Variants in MGAM2 observed in about 807,000 individuals in gnomAD.
The protein encoded by MGAM2 is probable maltase-glucoamylase 2.
A neutral mutation model predicts 96.1 loss-of-function variants in MGAM2; 98 were observed. The ratio of observed to expected loss-of-function variants is 1.02; its 90% CI spans 0.87 to 1.21. The LOEUF is 1.21. Ranked by LOEUF, MGAM2 falls within the 50% of genes most tolerant of loss-of-function variation. MGAM2 has a pLI of 0.00. For missense variants in MGAM2, 2,055 were observed against 1,182.4 expected, an observed-to-expected ratio of 1.74 and a Z score of -10.82; for synonymous variants, 749 against 414.8, an observed-to-expected ratio of 1.81 and a Z score of -9.79.
At chr7:142,197,952 T>C (rs1241584079) in intron 42 of MGAM2, among the ~76,000 whole-genome samples, 187 bp from the exon 43 acceptor site, 1 of 66,718 alleles carries the variant, frequency 1.5e-5, no homozygotes, top group Non-Finnish European at 3.1e-5. Flanking sequence ...TCATTTACTT[T>C]TTAAAAATAG....
At chr7:142,123,288 G>A (rs1794640756) in intron 3 of MGAM2, among the ~76,000 whole-genome samples, 1 of 151,322 alleles carries the variant, frequency 6.6e-6, no homozygotes, top group South Asian at 2.1e-4. Context: ...GGGTATCTTC[G>A]GGTGAACAGT....
Position 142,220,906 on chromosome 7 carries a change from T to C in MGAM2, c.6395T>C (p.Val2132Ala), listed in dbSNP as rs1341793648. 3 of 701,970 alleles carry C rather than the reference T, an allele frequency of 4.3e-6. No individual in the cohort carries two copies. In the Admixed American group the frequency reaches 6.0e-5, roughly 14 times the overall value. The allele number at this position is 701,970 out of a possible 1,614,324, so 43.5% of individuals were successfully genotyped here. A position where few individuals can be genotyped will look rare whatever the true frequency, so the allele number is the denominator to read the frequency against. Residue 2132 changes from valine to alanine, a missense_variant, in exon 48 of 48, where the codon GTT (valine) becomes GCT (alanine). By Grantham distance (64) the Val-to-Ala change is moderately conservative. Coordinates refer to ENST00000477922, the MANE Select transcript of MGAM2 (RefSeq NM_001293626.2). ...TTSSLTGTTDVSTSTTINNIS... is the reference protein window; with the variant it reads ...TTSSLTGTTDASTSTTINNIS... ...TCTTCTCTAACAGGTACTACTGATG[T>C]TAGCACTAGTACTACTATTAATAAT...
In MGAM2 at chr7:142,147,560, A is replaced by G. The variant is rs1563259930; in HGVS notation, c.1621A>G (p.Arg541Gly). ...IHSLYGHSMARTTNLALETIF... is the reference protein window; with the variant it reads ...IHSLYGHSMAGTTNLALETIF... ...CAGCTTGTATGGCCACTCCATGGCA[A>G]GAACCACAAACTTGTAAGGACTTGG... The change falls in exon 15 of 48, where the codon AGA becomes GGA. Residue 541 changes from arginine (R) to glycine (G), a missense_variant. By Grantham distance (125) the Arg-to-Gly change is moderately radical (BLOSUM62 -2). Transcript: ENST00000477922. The G allele has an allele frequency of 1.4e-6, 1 of 702,666 alleles. No homozygotes were observed. The highest frequency in any genetic ancestry group is 2.6e-6 in the Non-Finnish European group (1 of 384,850). The allele number at this position is 702,666 out of a possible 1,614,324, so 43.5% of individuals were successfully genotyped here.
rs200020168 is a variant in MGAM2, at chr7:142,118,370, A to AAT, written c.106+1402_106+1403dup. ...CAGTTTTAAGACAATTTTTTATTGA[A>AAT]ATATATATATATGTACACAAACAAA... On this transcript the variant is annotated intron_variant, in intron 2 of 47. Coordinates refer to ENST00000477922, the MANE Select transcript of MGAM2 (RefSeq NM_001293626.2). 4.0e-3 allele frequency among the ~76,000 whole-genome samples: 614 copies of AAT among 152,130 alleles called. 7 individuals are homozygous for AAT. Among genetic ancestry groups the AAT allele is most frequent in the South Asian group, 0.033 (161 of 4,818 alleles).
intron 46 of MGAM2, among the ~76,000 whole-genome samples, chr7:142,215,583 A>AG (rs1382477177): frequency 6.6e-6 from 1 of 151,866 alleles, no homozygotes; most frequent in Non-Finnish European, 1.5e-5. Flanking sequence ...CAACATGGAG[A>AG]AAACCCTGTC....
intron 10 of MGAM2, among the ~76,000 whole-genome samples, chr7:142,139,387 C>T (rs577443048): frequency 3.9e-5 from 6 of 151,926 alleles, no homozygotes; most frequent in African/African-American, 9.7e-5. Flanking sequence ...TGGCCCAGTG[C>T]GGTGGCTCAT....
chr7:142,207,166 T>C (rs1450947034), intron 45 of MGAM2, among the ~76,000 whole-genome samples: 1 of 152,104 alleles, frequency 6.6e-6, no homozygotes, highest in Non-Finnish European at 1.5e-5. Context: ...CAGGGAGTTA[T>C]AGGAACCATA....
chr7:142,139,999 G>A (rs1219531490), intron 10 of MGAM2, among the ~76,000 whole-genome samples: 1 of 152,160 alleles, frequency 6.6e-6, no homozygotes, highest in African/African-American at 2.4e-5. Flanking sequence ...TAGAACAGTT[G>A]ATGCCACTTT....
At chr7:142,202,735 T>A (rs1393388351) in intron 45 of MGAM2, among the ~76,000 whole-genome samples, 1 of 152,186 alleles carries the variant, frequency 6.6e-6, no homozygotes. Flanking sequence ...GCACCTGGGT[T>A]GATTCCATGT....
At chr7:142,160,349 G>T (rs186191095) in intron 21 of MGAM2, 91 bp downstream of exon 21, 6 of 578,292 alleles carry the variant, frequency 1.0e-5, no homozygotes, top group Admixed American at 3.1e-5. Context: ...TTTTGTGGAT[G>T]AGCCAAGGGA....
intron 46 of MGAM2, 98 bp from the exon 47 acceptor site, chr7:142,218,258 CTAATA>C: frequency 2.1e-6 from 1 of 482,088 alleles, no homozygotes; most frequent in Non-Finnish European, 3.6e-6. Flanking sequence ...AAATAGCAAA[CTAATA>C]TAACAAAAGT....
intron 3 of MGAM2, among the ~76,000 whole-genome samples, chr7:142,124,551 C>T (rs1251797628): frequency 6.6e-6 from 1 of 152,108 alleles, no homozygotes; most frequent in African/African-American, 2.4e-5. Context: ...TTATTCTTTG[C>T]CCTTTAGGTT....
rs562791377 is a variant in MGAM2 at position 142,204,794 on chromosome 7, C to T, written c.5138-3779C>T. Among the ~76,000 whole-genome samples, 27 of 151,738 alleles carry T rather than the reference C, an allele frequency of 1.8e-4. No homozygotes were observed. The South Asian group carries it at 2.7e-3, about 15-fold the overall frequency. On this transcript the variant is annotated intron_variant, in intron 45 of 47. Transcript: ENST00000477922. The stretch of plus-strand genomic sequence containing the variant: ...AAAACAAAATGAAAATAAATAAATA[C>T]GTAAATAAAATAAAGTTAGTGTGGT...
At chr7:142,212,037 C>G (rs1201584691) in intron 46 of MGAM2, among the ~76,000 whole-genome samples, 15 of 152,180 alleles carry the variant, frequency 9.9e-5, no homozygotes, top group Admixed American at 9.8e-4. Context: ...GGCCAATATT[C>G]AACATTCTTA....
intron 1 of MGAM2, among the ~76,000 whole-genome samples, chr7:142,115,118 G>A (rs1237657815): frequency 1.3e-5 from 2 of 152,206 alleles, no homozygotes; most frequent in African/African-American, 2.4e-5. Context: ...TCAGGAAGCT[G>A]AGGCAGGATA....
chr7:142,178,532 A>G (rs1173809733), intron 32 of MGAM2, among the ~76,000 whole-genome samples: 2 of 152,190 alleles, frequency 1.3e-5, no homozygotes, highest in Admixed American at 6.5e-5. Flanking sequence ...ATTTTTGTAT[A>G]TAGTGAAAGG....
intron 12 of MGAM2, among the ~76,000 whole-genome samples, chr7:142,141,808 A>G (rs1200010404): frequency 2.0e-5 from 3 of 152,056 alleles, no homozygotes; most frequent in African/African-American, 7.2e-5. Context: ...CCTATATTTT[A>G]AATTTACACA....
Position 142,131,026 on chromosome 7 carries a change from A to G in MGAM2, c.265A>G (p.Asn89Asp). The change falls in exon 4 of 48, where the codon AAC (asparagine) becomes GAC (aspartate). Residue 89 changes from asparagine to aspartate, a missense_variant. By Grantham distance (23) the Asn-to-Asp change is conservative (BLOSUM62 1). Coordinates refer to ENST00000477922, the MANE Select transcript of MGAM2 (RefSeq NM_001293626.2). Reference protein sequence around the residue: ...ANVPRCFFPWNWGYEASNGHT... With the variant: ...ANVPRCFFPWDWGYEASNGHT... ...TGTCCCTAGGTGCTTCTTCCCCTGG[A>G]ACTGGGGCTATGAAGCCAGCAATGG... The G allele has an allele frequency of 2.8e-6, 2 of 702,624 alleles. No homozygotes were observed. The highest frequency in any genetic ancestry group is 2.6e-6 in the Non-Finnish European group (1 of 384,998). The allele number at this position is 702,624 out of a possible 1,614,324, so 43.5% of individuals were successfully genotyped here.
chr7:142,208,995 T>C (rs1797496369), intron 46 of MGAM2, among the ~76,000 whole-genome samples: 1 of 152,222 alleles, frequency 6.6e-6, no homozygotes, highest in African/African-American at 2.4e-5. Context: ...CTTAGTGGTA[T>C]CTAACAATAA....
Sources: allele counts gnomAD v4.1 joint callset (sites outside exome capture counted in the v4.1 genomes callset), GRCh38; gene constraint gnomAD v4.1.1; transcripts MANE v1.5; gene names NCBI Gene and HGNC (gene_info 2026-07-23, HGNC 2026-07-21).